The following KHDRBS2 variants were observed in gnomAD, a reference collection of about 807,000 sequenced individuals.
KHDRBS2 encodes KH RNA binding domain containing, signal transduction associated 2, also known as KH domain-containing, RNA-binding, signal transduction-associated protein 2.
In KHDRBS2, 26 loss-of-function variants were observed where a neutral mutation model predicts 44.3. The ratio of observed to expected loss-of-function variants is 0.59; its 90% confidence interval spans 0.43 to 0.81. The LOEUF is 0.81. Among genes scored for constraint, KHDRBS2 ranks in the 40% least tolerant of loss-of-function variants. The probability of loss-of-function intolerance (pLI) is 0.00; values close to 1 mark genes in which losing one functional copy is unlikely to be tolerated. For missense variants in KHDRBS2, 476 were observed against 433.1 expected (o/e 1.10, Z -0.88); for synonymous variants, 194 against 151.1 (o/e 1.28, Z -2.08).
At chr6:62,240,404 G>A (rs1417994697) in intron 1 of KHDRBS2, among the ~76,000 whole-genome samples, 1 of 151,772 alleles carries the variant, frequency 6.6e-6, no homozygotes, top group Non-Finnish European at 1.5e-5. Flanking sequence ...CTTTACTAGA[G>A]AAGTTTAGCA....
Position 61,775,975 on chromosome 6 carries a change from G to T in KHDRBS2, c.811-43211C>A, listed in dbSNP as rs553274659. 1.9e-3 allele frequency among the ~76,000 whole-genome samples: 293 copies of T among 152,234 alleles called. 2 individuals carry two copies. Among genetic ancestry groups the T allele is most frequent in the African/African-American group, 6.5e-3 (268 of 41,522 alleles). ...TCAATGGAACAGAACAGAACCCTCA[G>T]AAATAATGCTGCATATCTACAACTA... On this transcript the variant is annotated intron_variant, in intron 6 of 8. Coordinates refer to ENST00000281156, the MANE Select transcript of KHDRBS2 (RefSeq NM_152688.4).
chr6:61,580,053 A>T, the KHDRBS2 span, among the ~76,000 whole-genome samples: 1 of 152,164 alleles, frequency 6.6e-6, no homozygotes, highest in Non-Finnish European at 1.5e-5. Context: ...GCAAAACTCC[A>T]TCTCAAAGAA....
At chr6:61,723,457 G>A (rs1047732951) in intron 7 of KHDRBS2, among the ~76,000 whole-genome samples, 2 of 151,936 alleles carry the variant, frequency 1.3e-5, no homozygotes, top group African/African-American at 4.8e-5. Flanking sequence ...GGAGCAAGCT[G>A]TAAAACAATT....
At chr6:62,045,554 A>G (rs1203817478) in intron 3 of KHDRBS2, among the ~76,000 whole-genome samples, 3 of 152,088 alleles carry the variant, frequency 2.0e-5, no homozygotes, top group African/African-American at 7.2e-5. Flanking sequence ...TGTCTTTCCC[A>G]TTGGAATGTA....
intron 3 of KHDRBS2, among the ~76,000 whole-genome samples, chr6:62,011,451 C>T (rs1368749918): frequency 6.6e-6 from 1 of 151,994 alleles, no homozygotes; most frequent in Non-Finnish European, 1.5e-5. Flanking sequence ...AGGTAAATTC[C>T]ATAACTCAAT....
intron 6 of KHDRBS2, among the ~76,000 whole-genome samples, chr6:61,807,479 C>T (rs1224217433): frequency 3.9e-5 from 6 of 152,050 alleles, no homozygotes; most frequent in Non-Finnish European, 7.4e-5. Context: ...TCATGGAATA[C>T]TATGCATCCA....
chr6:61,752,497 C>T (rs1259211121), intron 6 of KHDRBS2, among the ~76,000 whole-genome samples: 2 of 152,112 alleles, frequency 1.3e-5, no homozygotes, highest in South Asian at 4.2e-4. Context: ...AGCTGAAATA[C>T]AATTAGGTAT....
chr6:62,075,216 G>T (rs1460151141), intron 2 of KHDRBS2, among the ~76,000 whole-genome samples: 1 of 151,864 alleles, frequency 6.6e-6, no homozygotes, highest in Non-Finnish European at 1.5e-5. Context: ...AGGTGATCAG[G>T]TCACGAGGGA....
At chr6:62,109,119 A>T (rs1348946358) in intron 2 of KHDRBS2, among the ~76,000 whole-genome samples, 1 of 150,238 alleles carries the variant, frequency 6.7e-6, no homozygotes, top group Non-Finnish European at 1.5e-5. Flanking sequence ...AAAAGAAGCC[A>T]ACAGTTGTAT....
At chr6:61,651,535 G>C in the KHDRBS2 span, among the ~76,000 whole-genome samples, 2 of 152,024 alleles carry the variant, frequency 1.3e-5, no homozygotes, top group African/African-American at 4.8e-5. Context: ...TTCAGATTTT[G>C]TAGAATTTTG....
intron 1 of KHDRBS2, among the ~76,000 whole-genome samples, chr6:62,247,795 C>T (rs995984936): frequency 9.2e-5 from 14 of 151,860 alleles, no homozygotes; most frequent in African/African-American, 3.4e-4. Flanking sequence ...ATTAGAATAC[C>T]AAGGAACTAA....
At chr6:62,007,110 C>T (rs917360675) in intron 3 of KHDRBS2, among the ~76,000 whole-genome samples, 1 of 152,006 alleles carries the variant, frequency 6.6e-6, no homozygotes. Flanking sequence ...ATTATAACCA[C>T]AAGGGTTGGG....
chr6:61,964,198 C>T (rs1192455), intron 4 of KHDRBS2, among the ~76,000 whole-genome samples: 99,226 of 151,326 alleles, frequency 0.66, 32,665 homozygotes, highest in African/African-American at 0.73. Flanking sequence ...ATTGGTGCTA[C>T]AGAGGAGTAA....
intron 6 of KHDRBS2, among the ~76,000 whole-genome samples, chr6:61,827,207 C>T (rs1347976823): frequency 6.6e-6 from 1 of 152,150 alleles, no homozygotes; most frequent in African/African-American, 2.4e-5. Flanking sequence ...CACTAGACGA[C>T]TTGCAAAGCC....
chr6:61,642,537 C>T, the KHDRBS2 span, among the ~76,000 whole-genome samples: 1 of 150,558 alleles, frequency 6.6e-6, no homozygotes, highest in African/African-American at 2.4e-5. Context: ...TGGAGTGTGC[C>T]TGTGGTCCCA....
Position 61,732,717 on chromosome 6 carries a change from C to T in KHDRBS2, c.858G>A (p.Glu286=). 6.2e-7 allele frequency: 1 copy of T among 1,612,402 alleles called. No individual in the cohort carries two copies. Among genetic ancestry groups the T allele is most frequent in the Non-Finnish European group, 8.5e-7 (1 of 1,178,596 alleles). Residue 286 remains glutamate (E), a synonymous_variant, in exon 7 of 9, where the codon GAG becomes GAA. Coordinates refer to ENST00000281156, the MANE Select transcript of KHDRBS2 (RefSeq NM_152688.4). ...YGGEYDDQTY[E]TYDNSYATQT... is the part of the protein sequence containing the mutation. ...GGGTCGCATAGCTGTTATCATAAGT[C>T]TCATAGGTCTGGTCATCATATTCAC...
chr6:61,863,353 G>A (rs975599741), intron 6 of KHDRBS2, among the ~76,000 whole-genome samples: 1 of 151,032 alleles, frequency 6.6e-6, no homozygotes, highest in African/African-American at 2.4e-5. Context: ...TTTGCACTTG[G>A]TTCTCTAGTT....
At chr6:62,196,307 T>A (rs1353114164) in intron 1 of KHDRBS2, among the ~76,000 whole-genome samples, 2 of 152,182 alleles carry the variant, frequency 1.3e-5, no homozygotes, top group African/African-American at 2.4e-5. Flanking sequence ...CAAATAGACC[T>A]TCTTATTCAT....
intron 4 of KHDRBS2, among the ~76,000 whole-genome samples, chr6:61,965,279 C>T (rs189748964): frequency 1.1e-3 from 168 of 152,104 alleles, no homozygotes; most frequent in African/African-American, 3.4e-3. Flanking sequence ...GGTCTGGAAG[C>T]TTCAAAGTCT....
Sources: gnomAD v4.1 joint callset for allele counts (sites outside exome capture counted in the v4.1 genomes callset) on GRCh38, gnomAD v4.1.1 for gene constraint, MANE v1.5 for transcripts, NCBI Gene and HGNC (gene_info 2026-07-23, HGNC 2026-07-21) for gene names.